TRMT9B: variants seen among roughly 807,000 people sequenced by gnomAD.
The protein encoded by TRMT9B is probable tRNA methyltransferase 9B.
In TRMT9B, 16 loss-of-function variants were observed where a neutral mutation model predicts 11.5. The observed-to-expected ratio is 1.39, with a 90% CI of 0.94 to 2.11. The LOEUF is 2.11. Ranked by LOEUF, TRMT9B falls within the 30% of genes most tolerant of loss-of-function variation. The pLI is 0.00. For missense variants in TRMT9B, 941 were observed against 553.8 expected (o/e 1.70, Z -7.02); for synonymous variants, 274 against 192.4 (o/e 1.42, Z -3.51).
intron 3 of TRMT9B, chr8:13,010,289 A>G (rs185711142): frequency 4.3e-4 from 400 of 930,448 alleles, no homozygotes; most frequent in Middle Eastern, 5.5e-4. Context: ...ATAGGGTCAT[A>G]TTTTCATTGC....
chr8:13,011,535 G>A, intron 3 of TRMT9B: 1 of 953,318 alleles, frequency 1.0e-6, no homozygotes, highest in Non-Finnish European at 1.2e-6. Context: ...TAATATTTCT[G>A]GAAAGTAATT....
At chr8:12,962,542 G>A (rs1009983279) in intron 1 of TRMT9B, among the ~76,000 whole-genome samples, 6 of 152,072 alleles carry the variant, frequency 3.9e-5, no homozygotes, top group African/African-American at 1.4e-4. Flanking sequence ...CCAGGCTGGA[G>A]TGCAGTGGTG....
intron 3 of TRMT9B, among the ~76,000 whole-genome samples, chr8:13,009,773 T>C (rs984453212): frequency 5.3e-5 from 8 of 152,226 alleles, no homozygotes; most frequent in Non-Finnish European, 1.2e-4. Flanking sequence ...TAGCATTCTA[T>C]GCTAATAGTG....
At chr8:12,972,098 A>G (rs971266731) in intron 1 of TRMT9B, among the ~76,000 whole-genome samples, 6 of 152,218 alleles carry the variant, frequency 3.9e-5, no homozygotes, top group African/African-American at 1.4e-4. Context: ...TAACAGAGAA[A>G]ATTTAATATA....
chr8:13,019,926 A>G (rs562885491), intron 4 of TRMT9B, among the ~76,000 whole-genome samples: 1 of 152,330 alleles, frequency 6.6e-6, no homozygotes, highest in South Asian at 2.1e-4. Flanking sequence ...TGGTAGAGAT[A>G]CCAAGGTTTG....
chr8:13,020,212 T>G (rs1813555378), intron 4 of TRMT9B, among the ~76,000 whole-genome samples: 1 of 152,230 alleles, frequency 6.6e-6, no homozygotes, highest in South Asian at 2.1e-4. Flanking sequence ...ATTTCCTCAC[T>G]GATATATTGG....
In TRMT9B at chr8:13,021,695, G is replaced by C; in HGVS notation, c.1016G>C (p.Gly339Ala). The C allele has an allele frequency of 6.2e-7, 1 of 1,613,948 alleles. No homozygotes were observed. Among genetic ancestry groups the C allele is most frequent in the Non-Finnish European group, 8.5e-7 (1 of 1,179,884 alleles). The change falls in exon 5 of 5, where the codon GGG (glycine) becomes GCG (alanine). Residue 339 changes from glycine to alanine, a missense_variant. Gly to Ala is a moderately conservative substitution (Grantham distance 60, BLOSUM62 0). Transcript: ENST00000524591. ...AAACATTTAAATGGAGACCATCAAG[G>C]GGAAATGAGGAGAAATGGAGGGGGA... is the stretch of plus-strand genomic sequence containing the variant. The part of the protein sequence containing the change: ...TLKHLNGDHQ[G>A]EMRRNGGGNF...
At chr8:13,005,758 T>C (rs1585323147) in intron 2 of TRMT9B, among the ~76,000 whole-genome samples, 1 of 152,338 alleles carries the variant, frequency 6.6e-6, no homozygotes, top group East Asian at 1.9e-4. Flanking sequence ...TACAGAGACA[T>C]GGCTGGAACC....
intron 2 of TRMT9B, among the ~76,000 whole-genome samples, chr8:13,003,661 G>A (rs1296660997): frequency 6.6e-6 from 1 of 151,576 alleles, no homozygotes; most frequent in African/African-American, 2.4e-5. Context: ...TAAGCCAGCT[G>A]AACCCAATGG....
chr8:12,973,067 T>G (rs1331030532), intron 1 of TRMT9B, among the ~76,000 whole-genome samples: 2 of 152,182 alleles, frequency 1.3e-5, no homozygotes, highest in Non-Finnish European at 2.9e-5. Flanking sequence ...GAACCTCACA[T>G]GAGTGGAGTC....
chr8:13,012,602 T>C, intron 3 of TRMT9B, 82 bp from the exon 4 acceptor site: 1 of 1,464,362 alleles, frequency 6.8e-7, no homozygotes, highest in Non-Finnish European at 9.2e-7. Flanking sequence ...AAAAGGTTAA[T>C]TATATTTCTT....
chr8:12,969,192 G>T (rs536483239), intron 1 of TRMT9B, among the ~76,000 whole-genome samples: 37 of 152,194 alleles, frequency 2.4e-4, no homozygotes, highest in African/African-American at 8.4e-4. Context: ...AGGCAAGAGA[G>T]TGAAACTGTG....
intron 2 of TRMT9B, among the ~76,000 whole-genome samples, chr8:13,004,671 A>G (rs1281408983): frequency 2.0e-5 from 3 of 151,970 alleles, no homozygotes; most frequent in East Asian, 2.0e-4. Context: ...GTGATACCCA[A>G]GTAATACGCT....
At chr8:12,980,182 G>A (rs370317124) in intron 1 of TRMT9B, among the ~76,000 whole-genome samples, 67 of 152,052 alleles carry the variant, frequency 4.4e-4, no homozygotes, top group African/African-American at 1.5e-3. Context: ...AGTTGTCAGC[G>A]GGGCCTGCTC....
chr8:13,015,505 C>A (rs906356602), intron 4 of TRMT9B, among the ~76,000 whole-genome samples: 10 of 152,264 alleles, frequency 6.6e-5, no homozygotes, highest in African/African-American at 2.4e-4. Flanking sequence ...GCACACATCA[C>A]CATGCCTGGC....
intron 1 of TRMT9B, chr8:12,952,432 C>A (rs1439619153): frequency 1.7e-5 from 5 of 300,100 alleles, no homozygotes; most frequent in African/African-American, 1.1e-4. Flanking sequence ...CCTTGCAATA[C>A]GATCAAAACA....
chr8:12,966,128 C>G (rs1439876510), intron 1 of TRMT9B, among the ~76,000 whole-genome samples: 1 of 148,332 alleles, frequency 6.7e-6, no homozygotes, highest in Non-Finnish European at 1.5e-5. Context: ...GAGTTCAAGA[C>G]CAGCCTGGGC....
chr8:13,005,709 A>G (rs1298962125), intron 2 of TRMT9B, among the ~76,000 whole-genome samples: 2 of 152,214 alleles, frequency 1.3e-5, no homozygotes, highest in Non-Finnish European at 2.9e-5. Context: ...TAATTCAGTA[A>G]AGAAATGGGC....
At chr8:12,955,718 A>G (rs556173120) in intron 1 of TRMT9B, among the ~76,000 whole-genome samples, 1 of 152,164 alleles carries the variant, frequency 6.6e-6, no homozygotes, top group Non-Finnish European at 1.5e-5. Flanking sequence ...AATGGAAACT[A>G]TCCTAACTAT....
Sources: allele counts gnomAD v4.1 joint callset (sites outside exome capture counted in the v4.1 genomes callset), GRCh38; gene constraint gnomAD v4.1.1; transcripts MANE v1.5; gene names NCBI Gene and HGNC (gene_info 2026-07-23, HGNC 2026-07-21).